Variants in ANKRD11 observed in about 807,000 individuals in gnomAD.
The protein encoded by ANKRD11 is ankyrin repeat domain 11, also known as ankyrin repeat domain-containing protein 11.
In ANKRD11, 17 loss-of-function variants were observed where a neutral mutation model predicts 195.7. The ratio of observed to expected loss-of-function variants is 0.09; its 90% confidence interval spans 0.06 to 0.13. The LOEUF is 0.13. ANKRD11 is among the 10% of genes least tolerant of loss of function. The probability of loss-of-function intolerance (pLI) is 1.00; values close to 1 mark genes in which losing one functional copy is unlikely to be tolerated. For missense variants in ANKRD11, 3,735 were observed against 3,566.1 expected (o/e 1.05, Z -1.21); for synonymous variants, 1,953 against 1,528.1 (o/e 1.28, Z -6.49).
In ANKRD11 at chr16:89,281,263, AAGG is replaced by A; in HGVS notation, c.5276_5278del (p.Ser1759del). 1 of 1,614,108 alleles carries A rather than the reference AAGG, an allele frequency of 6.2e-7. No individual in the cohort carries two copies. The highest frequency in any genetic ancestry group is 8.5e-7 in the Non-Finnish European group (1 of 1,180,014). ...TGAAGCCACGGAGAACCTGTCGAAAAAGGAGGGGGAGCAGGCGCTGGTGGGAGC... is the reference window on the plus strand; with the variant it reads ...TGAAGCCACGGAGAACCTGTCGAAAAAGGGGGAGCAGGCGCTGGTGGGAGC... On this transcript the variant is annotated inframe_deletion, in exon 9 of 13. Coordinates refer to ENST00000301030, the MANE Select transcript of ANKRD11 (RefSeq NM_013275.6). The surrounding 1 kb of genome is among the most constrained non-coding windows in gnomAD (Gnocchi z 5.5).
chr16:89,369,493 C>T (rs1411653386), intron 2 of ANKRD11, among the ~76,000 whole-genome samples: 3 of 152,226 alleles, frequency 2.0e-5, no homozygotes, highest in Admixed American at 1.3e-4. Context: ...AAAGCTCTGC[C>T]GTATCAGACA....
At chr16:89,328,393 G>A (rs1024061308) in intron 2 of ANKRD11, among the ~76,000 whole-genome samples, 1 of 152,208 alleles carries the variant, frequency 6.6e-6, no homozygotes, top group African/African-American at 2.4e-5. Context: ...ACCTGTTTGC[G>A]AATGTTCACA....
chr16:89,459,372 T>C (rs2056572310), intron 1 of ANKRD11: 1 of 152,494 alleles, frequency 6.6e-6, no homozygotes, highest in Admixed American at 6.5e-5. Context: ...GGAAAGTCAA[T>C]AAAACGGATG....
At position 89,288,537 on chromosome 16, in the gene ANKRD11, C is replaced by T. The variant is rs568759978; in HGVS notation, c.735G>A (p.Gly245=). The change falls in exon 7 of 13, where the codon GGG becomes GGA. Residue 245 remains glycine (G), a synonymous_variant. Transcript: ENST00000301030. ...DTPLHDAANN[G]HYKVVKLLLR... ...ACGGGGGGATGCCAACCTTGTAGTGCCCGTTGTTGGCAGCGTCGTGCAAAG... is the reference window on the plus strand; with the variant it reads ...ACGGGGGGATGCCAACCTTGTAGTGTCCGTTGTTGGCAGCGTCGTGCAAAG... 6.8e-5 allele frequency: 109 copies of T among 1,614,170 alleles called. No individual in the cohort carries two copies. In the South Asian group the frequency reaches 1.2e-3, roughly 17 times the overall value.
At chr16:89,434,591 G>C (rs552312904) in intron 1 of ANKRD11, among the ~76,000 whole-genome samples, 38 of 152,200 alleles carry the variant, frequency 2.5e-4, no homozygotes, top group Non-Finnish European at 4.8e-4. Context: ...TCAGCAGAAG[G>C]AAAGCTGGCC....
intron 1 of ANKRD11, among the ~76,000 whole-genome samples, chr16:89,478,052 C>CA (rs2057316039): frequency 6.6e-6 from 1 of 151,850 alleles, no homozygotes; most frequent in South Asian, 2.1e-4. Flanking sequence ...AAAAGAAGCC[C>CA]AAAAAATCAA....
chr16:89,437,799 C>T (rs1049437575), intron 1 of ANKRD11, among the ~76,000 whole-genome samples: 6 of 152,208 alleles, frequency 3.9e-5, no homozygotes, highest in Non-Finnish European at 7.3e-5. Context: ...TAATGCCACT[C>T]CCAGCTCCAG....
chr16:89,400,753 ATGGT>A, intron 2 of ANKRD11, among the ~76,000 whole-genome samples: 1 of 43,022 alleles, frequency 2.3e-5, no homozygotes, highest in African/African-American at 1.8e-4. Flanking sequence ...GCGCTGGGGG[ATGGT>A]CATCTGCTGC....
intron 4 of ANKRD11, among the ~76,000 whole-genome samples, chr16:89,293,186 G>T (rs948073102): frequency 6.6e-6 from 1 of 152,160 alleles, no homozygotes; most frequent in African/African-American, 2.4e-5. Context: ...AGAGCAGGGG[G>T]GTTAATGTTT....
At chr16:89,273,621 C>T (rs1433798541) in intron 11 of ANKRD11, among the ~76,000 whole-genome samples, 3 of 151,820 alleles carry the variant, frequency 2.0e-5, no homozygotes, top group African/African-American at 4.8e-5. Flanking sequence ...CGCTTGAACC[C>T]GGAAGCCAGA....
intron 1 of ANKRD11, among the ~76,000 whole-genome samples, chr16:89,422,736 T>C (rs573797377): frequency 3.9e-5 from 6 of 152,304 alleles, no homozygotes; most frequent in South Asian, 2.1e-4. Flanking sequence ...ATGCTTATTT[T>C]TGGAAAGGAA....
chr16:89,283,760 T>C lies in ANKRD11; in HGVS notation c.2782A>G (p.Lys928Glu). The part of the protein sequence containing the change: ...EKRKEQTEKH[K>E]SVPGYLSEKD... ...TCCGAAAGGTAGCCAGGGACACTTT[T>C]ATGCTTTTCGGTCTGCTCTTTCCTC... The change falls in exon 9 of 13, where the codon AAA (lysine) becomes GAA (glutamate). Residue 928 changes from lysine (K) to glutamate (E), a missense_variant. By Grantham distance (56) the Lys-to-Glu change is moderately conservative (BLOSUM62 1). Coordinates refer to ENST00000301030, the MANE Select transcript of ANKRD11 (RefSeq NM_013275.6). This position sits in a 1 kb window ranked among gnomAD's most constrained non-coding sequence, Gnocchi z 4.3. 6.2e-7 allele frequency: 1 copy of C among 1,613,554 alleles called. No individual in the cohort carries two copies. The highest frequency in any genetic ancestry group is 8.5e-7 in the Non-Finnish European group (1 of 1,179,698).
chr16:89,318,841 C>T (rs748126735), intron 2 of ANKRD11, among the ~76,000 whole-genome samples: 2 of 152,204 alleles, frequency 1.3e-5, no homozygotes, highest in African/African-American at 2.4e-5. Context: ...CACCTCCACC[C>T]GCGGTGCAGG....
At chr16:89,384,080 C>T (rs1206055210) in intron 2 of ANKRD11, among the ~76,000 whole-genome samples, 3 of 152,098 alleles carry the variant, frequency 2.0e-5, no homozygotes, top group Non-Finnish European at 2.9e-5. Flanking sequence ...ATTAGCCGGG[C>T]GTGGTGGCAG....
intron 1 of ANKRD11, among the ~76,000 whole-genome samples, chr16:89,467,170 G>A (rs547201476): frequency 6.6e-6 from 1 of 152,132 alleles, no homozygotes; most frequent in African/African-American, 2.4e-5. Context: ...GGCGGCTCAT[G>A]TCTATAATCC....
chr16:89,389,834 C>G (rs1433159272), intron 2 of ANKRD11, among the ~76,000 whole-genome samples: 1 of 124,262 alleles, frequency 8.0e-6, no homozygotes, highest in Non-Finnish European at 1.6e-5. Context: ...GGGCAAACAC[C>G]GAGTGTGGCG....
At chr16:89,323,299 A>T in intron 2 of ANKRD11, 1 of 1,288,914 alleles carries the variant, frequency 7.8e-7, no homozygotes, top group South Asian at 1.2e-5. Flanking sequence ...CTTGAGTGAC[A>T]CACCCTATGA....
intron 1 of ANKRD11, among the ~76,000 whole-genome samples, chr16:89,423,642 C>G (rs1194832633): frequency 6.6e-6 from 1 of 152,198 alleles, no homozygotes; most frequent in Non-Finnish European, 1.5e-5. Context: ...TGTGAGCCCA[C>G]CATTACTAGA....
intron 2 of ANKRD11, chr16:89,324,845 C>T: frequency 3.5e-6 from 1 of 285,318 alleles, no homozygotes; most frequent in South Asian, 3.2e-5. Context: ...CTCAGCTTGC[C>T]AACAGCCTAT....
Sources: gnomAD v4.1 joint callset for allele counts (sites outside exome capture counted in the v4.1 genomes callset) on GRCh38, gnomAD v4.1.1 for gene constraint, Gnocchi (gnomAD v3.1) non-coding constraint, MANE v1.5 for transcripts, NCBI Gene and HGNC (gene_info 2026-07-23, HGNC 2026-07-21) for gene names.